Variants in C19orf38 observed in about 807,000 individuals in gnomAD.
C19orf38 encodes the protein protein HIDE1.
Under a neutral mutation model 26.6 loss-of-function variants are expected in C19orf38, and 14 were observed. The observed-to-expected ratio is 0.53, with a 90% CI of 0.35 to 0.82. C19orf38 has a LOEUF of 0.82. Among genes scored for constraint, C19orf38 ranks in the 40% least tolerant of loss-of-function variants. C19orf38 has a pLI of 0.01. For missense variants in C19orf38, 261 were observed against 299.5 expected, an observed-to-expected ratio of 0.87 and a Z score of 0.95; for synonymous variants, 132 against 128.5, an observed-to-expected ratio of 1.03 and a Z score of -0.18.
chr19:10,860,245 A>G (rs1230392474), intron 5 of C19orf38: 9 of 361,672 alleles, frequency 2.5e-5, no homozygotes, highest in Non-Finnish European at 2.1e-5. Context: ...TAGAAATACA[A>G]TTAGGCGGCC....
At position 10,857,894 on chromosome 19, in the gene C19orf38, A is replaced by AAAAGAAAGAAAGAAAG. The variant is rs111685154; in HGVS notation, c.434-398_434-383dup. On this transcript the variant is annotated intron_variant, in intron 3 of 6. Coordinates refer to ENST00000397820, the MANE Select transcript of C19orf38 (RefSeq NM_001136482.3). ...AGACTCTGTCTCAAAAAACAACAAA[A>AAAAGAAAGAAAGAAAG]AAAGAAAGAAAGAAAGAAAGAAAGA... Among the ~76,000 whole-genome samples the AAAAGAAAGAAAGAAAG allele has an allele frequency of 8.6e-3, 1,230 of 142,516 alleles. 6 individuals are homozygous for AAAAGAAAGAAAGAAAG. The highest frequency in any genetic ancestry group is 0.013 in the Non-Finnish European group (878 of 65,808). The allele number at this position is 142,516 out of a possible 152,430, so 93.5% of individuals were successfully genotyped here.
Position 10,865,464 on chromosome 19 carries a change from C to CT in C19orf38, c.543+2266dup, listed in dbSNP as rs948579967. On this transcript the variant is annotated intron_variant, in intron 6 of 6. Transcript: ENST00000397820. Reference sequence around the variant, plus strand: ...GCCCGGCCTTTTATTTGTTTTTTTACTTTTTTTTTCTTAAATTAAGGACCA... The same window carrying CT: ...GCCCGGCCTTTTATTTGTTTTTTTACTTTTTTTTTTCTTAAATTAAGGACCA... 1.5e-3 allele frequency among the ~76,000 whole-genome samples: 223 copies of CT among 149,222 alleles called. 1 individual carries two copies. Among genetic ancestry groups the CT allele is most frequent in the African/African-American group, 5.3e-3 (215 of 40,826 alleles).
At chr19:10,859,344 GTGTGTATATATATATATATATATA>G (rs2073668213) in intron 4 of C19orf38, among the ~76,000 whole-genome samples, 3 of 48,506 alleles carry the variant, frequency 6.2e-5, no homozygotes, top group African/African-American at 3.0e-4. Context: ...GTGTGTGTGT[GTGTGTATATATATATATATATATA>G]TATATATATA....
chr19:10,844,267 T>G (rs2073499369), upstream of C19orf38, among the ~76,000 whole-genome samples: 1 of 149,658 alleles, frequency 6.7e-6, no homozygotes, highest in East Asian at 2.0e-4. Flanking sequence ...TAGCCAGGCA[T>G]GGTGGCACAC....
rs1306862702 is a variant in C19orf38, at chr19:10,853,716, C to T, written c.341-2549C>T. ...GCGATTCTCCTGCCTCAGAGCCTCCCGAGTAGCTGGGACTACAGGCATGTG... is the reference window on the plus strand; with the variant it reads ...GCGATTCTCCTGCCTCAGAGCCTCCTGAGTAGCTGGGACTACAGGCATGTG... On this transcript the variant is annotated intron_variant, in intron 2 of 6. Coordinates refer to ENST00000397820, the MANE Select transcript of C19orf38 (RefSeq NM_001136482.3). Among the ~76,000 whole-genome samples, 6 of 151,478 alleles carry T rather than the reference C, an allele frequency of 4.0e-5. 1 individual carries two copies. Among genetic ancestry groups the T allele is most frequent in the South Asian group, 4.2e-4 (2 of 4,782 alleles).
intron 6 of C19orf38, among the ~76,000 whole-genome samples, chr19:10,866,408 G>C (rs2073752395): frequency 8.3e-6 from 1 of 120,780 alleles, no homozygotes; most frequent in African/African-American, 3.2e-5. Context: ...GTTTCTCCAT[G>C]TTTGTCAGGC....
At chr19:10,866,639 C>G (rs114803887) in intron 6 of C19orf38, among the ~76,000 whole-genome samples, 34 of 151,930 alleles carry the variant, frequency 2.2e-4, no homozygotes, top group African/African-American at 7.7e-4. Context: ...GCACATGCCA[C>G]CGCGGCTGGC....
At chr19:10,857,366 ATTT>A (rs773726753) in intron 3 of C19orf38, among the ~76,000 whole-genome samples, 15 of 56,056 alleles carry the variant, frequency 2.7e-4, no homozygotes, top group South Asian at 6.6e-4. Context: ...ATATATATAT[ATTT>A]TTTTTTTTTT....
chr19:10,844,089 G>C (rs1421400199), upstream of C19orf38, among the ~76,000 whole-genome samples: 2 of 151,798 alleles, frequency 1.3e-5, no homozygotes, highest in East Asian at 3.9e-4. Context: ...ACTCCAGCCG[G>C]GGCGACAAAG....
intron 1 of C19orf38, among the ~76,000 whole-genome samples, chr19:10,836,989 T>G (rs1334942411): frequency 6.6e-6 from 1 of 152,160 alleles, no homozygotes; most frequent in East Asian, 1.9e-4. Context: ...TAGGAAGAGA[T>G]AAGGACAGTG....
chr19:10,859,244 ATGTGTGTGTGTGTG>A (rs35791729), intron 4 of C19orf38, among the ~76,000 whole-genome samples: 3 of 119,388 alleles, frequency 2.5e-5, no homozygotes, highest in East Asian at 2.5e-4. Flanking sequence ...GCTTTTATAT[ATGTGTGTGTGTGTG>A]TGTGTGTGTG....
At chr19:10,855,980 T>C (rs118020914) in intron 2 of C19orf38, among the ~76,000 whole-genome samples, 10 of 152,268 alleles carry the variant, frequency 6.6e-5, no homozygotes, top group Non-Finnish European at 1.2e-4. Flanking sequence ...ATCTATCCTA[T>C]GCAATGCTAG....
intron 3 of C19orf38, among the ~76,000 whole-genome samples, chr19:10,857,925 A>G (rs182320398): frequency 6.7e-6 from 1 of 149,204 alleles, no homozygotes; most frequent in African/African-American, 2.5e-5. Context: ...AAAGAAAGAA[A>G]GAAAGAAAAA....
At chr19:10,858,249 A>AAAAAC in intron 3 of C19orf38, 67 bp from the exon 4 acceptor site, 2 of 1,276,506 alleles carry the variant, frequency 1.6e-6, no homozygotes, top group South Asian at 1.5e-5. Flanking sequence ...AAAAAAAAAA[A>AAAAAC]AAACAGAAAT....
At chr19:10,846,306 C>G (rs556613989), upstream of C19orf38, among the ~76,000 whole-genome samples, 14 of 151,956 alleles carry the variant, frequency 9.2e-5, no homozygotes, top group African/African-American at 3.4e-4. Flanking sequence ...ACGCCATTCT[C>G]CAGCCTCAGC....
chr19:10,857,611 A>G (rs1342303622), intron 3 of C19orf38, among the ~76,000 whole-genome samples: 1 of 151,230 alleles, frequency 6.6e-6, no homozygotes, highest in African/African-American at 2.4e-5. Context: ...ACAGGGTTTC[A>G]CCATGTTGTC....
chr19:10,860,624 G>C (rs186713522), intron 5 of C19orf38, among the ~76,000 whole-genome samples: 1,554 of 147,658 alleles, frequency 0.011, 11 homozygotes, highest in Middle Eastern at 0.018. Context: ...GGCGGATCAC[G>C]AGGTCAGGAG....
intron 1 of C19orf38, 103 bp downstream of exon 1, chr19:10,848,642 C>T (rs1357229762): frequency 8.7e-7 from 1 of 1,153,666 alleles, no homozygotes; most frequent in Non-Finnish European, 1.3e-6. Flanking sequence ...CTGCCGTTCT[C>T]AGGGCATCGA....
intron 2 of C19orf38, among the ~76,000 whole-genome samples, chr19:10,850,902 A>AT (rs1257016847): frequency 2.6e-5 from 4 of 152,048 alleles, no homozygotes; most frequent in African/African-American, 7.2e-5. Flanking sequence ...TGGTGCTGTG[A>AT]TTCTTCCCAT....
Sources: gnomAD v4.1 joint callset for allele counts (sites outside exome capture counted in the v4.1 genomes callset) on GRCh38, gnomAD v4.1.1 for gene constraint, MANE v1.5 for transcripts, NCBI Gene and HGNC (gene_info 2026-07-23, HGNC 2026-07-21) for gene names.